The following TEKT1 variants were observed in gnomAD, a reference collection of about 807,000 sequenced individuals.
TEKT1 encodes tektin-1.
Under a neutral mutation model 34.8 loss-of-function variants are expected in TEKT1, and 32 were observed. That is an observed-to-expected ratio of 0.92 (90% confidence interval 0.69 to 1.23). The LOEUF (loss-of-function observed/expected upper bound fraction) is 1.23. Among genes scored for constraint, TEKT1 ranks in the 50% most tolerant of loss-of-function variants. The pLI, the probability that TEKT1 is intolerant of heterozygous loss-of-function variation, is 0.00. For missense variants in TEKT1, 492 were observed against 518.5 expected (o/e 0.95, Z 0.50); for synonymous variants, 207 against 199.8 (o/e 1.04, Z -0.30).
chr17:6,813,472 T>G (rs1234793687), intron 5 of TEKT1, among the ~76,000 whole-genome samples: 1 of 151,634 alleles, frequency 6.6e-6, no homozygotes, highest in African/African-American at 2.4e-5. Flanking sequence ...AAAAAGTGAA[T>G]AAATTACTCG....
intron 2 of TEKT1, among the ~76,000 whole-genome samples, chr17:6,821,794 T>C (rs1343330342): frequency 3.3e-5 from 5 of 152,188 alleles, no homozygotes; most frequent in African/African-American, 7.2e-5. Flanking sequence ...AAGGAACTTA[T>C]TGGGAACTGA....
chr17:6,816,511 G>A (rs761633175), intron 3 of TEKT1, among the ~76,000 whole-genome samples: 10 of 152,068 alleles, frequency 6.6e-5, no homozygotes, highest in Admixed American at 1.3e-4. Flanking sequence ...GATAGTTTGC[G>A]CAGAATGATG....
chr17:6,821,026 C>T (rs1977081189), intron 2 of TEKT1, among the ~76,000 whole-genome samples: 2 of 152,120 alleles, frequency 1.3e-5, no homozygotes, highest in Non-Finnish European at 2.9e-5. Flanking sequence ...TCCAGAGTTT[C>T]TGTTGAAAAG....
In TEKT1 at chr17:6,799,554, A is replaced by G. The variant is rs570903464; in HGVS notation, c.*473T>C. 4.5e-5 allele frequency: 7 copies of G among 154,312 alleles called. No individual in the cohort carries two copies. The highest frequency in any genetic ancestry group is 1.7e-4 in the African/African-American group (7 of 41,526). The allele number at this position is 154,312 out of a possible 1,614,324, so 9.6% of individuals were successfully genotyped here. On this transcript the variant is annotated 3_prime_UTR_variant, in exon 8 of 8. Transcript: ENST00000338694. ...CCTACAGTCTTAACCATTGACTTGA[A>G]CCCATTGACTTGAATGAATGGAATT...
intron 3 of TEKT1, among the ~76,000 whole-genome samples, chr17:6,817,336 T>C (rs34038777): frequency 0.087 from 13,112 of 150,478 alleles, 594 homozygotes; most frequent in African/African-American, 0.12. Flanking sequence ...GATTGCACCA[T>C]TCCACTCCAG....
In TEKT1 at chr17:6,798,609, G is replaced by A. The variant is rs2151579713; in HGVS notation, c.*1418C>T. ...TTCAGCACTGGGGTGGCATAGATCAGAATTAACAGAATTAAGCCAGTGCTT... is the reference window on the plus strand; with the variant it reads ...TTCAGCACTGGGGTGGCATAGATCAAAATTAACAGAATTAAGCCAGTGCTT... On this transcript the variant is annotated 3_prime_UTR_variant, in exon 8 of 8. Coordinates refer to ENST00000338694, the MANE Select transcript of TEKT1 (RefSeq NM_053285.2). 1 of 152,358 alleles carries A rather than the reference G, an allele frequency of 6.6e-6. No homozygotes were observed. The highest frequency in any genetic ancestry group is 3.4e-3 in the Middle Eastern group (1 of 294). The allele number at this position is 152,358 out of a possible 1,614,324, so 9.4% of individuals were successfully genotyped here. A position where few individuals can be genotyped will look rare whatever the true frequency, so the allele number is the denominator to read the frequency against.
In TEKT1 at chr17:6,798,885, A is replaced by C. The variant is rs1458940179; in HGVS notation, c.*1142T>G. Reference sequence around the variant, plus strand: ...CAGGTGGTCCTAAAGAAGGAGAGAAACTTTCCTGGCAGTGTTGCAACTAGA... The same window carrying C: ...CAGGTGGTCCTAAAGAAGGAGAGAACCTTTCCTGGCAGTGTTGCAACTAGA... On this transcript the variant is annotated 3_prime_UTR_variant, in exon 8 of 8. Transcript: ENST00000338694. The C allele has an allele frequency of 6.6e-6, 1 of 152,180 alleles. No homozygotes were observed. The highest frequency in any genetic ancestry group is 1.5e-5 in the Non-Finnish European group (1 of 68,062). 9.4% of individuals were successfully genotyped at this position (152,180 alleles called of 1,614,324 possible). A position where few individuals can be genotyped will look rare whatever the true frequency, so the allele number is the denominator to read the frequency against.
Position 6,813,036 on chromosome 17 carries a change from T to G in TEKT1, c.647A>C (p.Asp216Ala). 6.2e-7 allele frequency: 1 copy of G among 1,613,730 alleles called. No homozygotes were observed. The highest frequency in any genetic ancestry group is 8.5e-7 in the Non-Finnish European group (1 of 1,179,820). Residue 216 changes from aspartate (D) to alanine (A), a missense_variant, in exon 6 of 8, where the codon GAC (aspartate) becomes GCC (alanine). Physicochemically the swap from Asp to Ala is moderately radical, Grantham distance 126 (BLOSUM62 -2). Transcript: ENST00000338694. ...RIEPNSVSLE[D>A]WLDFSSTNVE... is the part of the protein sequence containing the mutation. ...ATTGGTGCTGGAGAAGTCCAACCAG[T>G]CTTCCAGACTCACGGAGCTGAAACA...
intron 2 of TEKT1, among the ~76,000 whole-genome samples, chr17:6,823,686 C>T (rs935328610): frequency 6.6e-6 from 1 of 152,094 alleles, no homozygotes; most frequent in Non-Finnish European, 1.5e-5. Flanking sequence ...CTGGACATCT[C>T]TTATCTCAAA....
intron 1 of TEKT1, among the ~76,000 whole-genome samples, chr17:6,830,892 A>G (rs1241673477): frequency 2.0e-5 from 3 of 152,140 alleles, no homozygotes; most frequent in Non-Finnish European, 4.4e-5. Context: ...AGTCTCATAC[A>G]TGTCTTTTGG....
chr17:6,819,450 T>C, intron 2 of TEKT1, 92 bp from the exon 3 acceptor site: 1 of 1,316,052 alleles, frequency 7.6e-7, no homozygotes. Flanking sequence ...TAAAACCACC[T>C]GTGACATGCT....
At position 6,815,280 on chromosome 17, in the gene TEKT1, A is replaced by C; in HGVS notation, c.512T>G (p.Leu171Arg). 1 of 1,614,204 alleles carries C rather than the reference A, an allele frequency of 6.2e-7. No individual in the cohort carries two copies. Among genetic ancestry groups the C allele is most frequent in the Non-Finnish European group, 8.5e-7 (1 of 1,180,042 alleles). The change falls in exon 5 of 8, where the codon CTT becomes CGT. Residue 171 changes from leucine to arginine, a missense_variant. Leu to Arg is a moderately radical substitution (Grantham distance 102, BLOSUM62 -2). Coordinates refer to ENST00000338694, the MANE Select transcript of TEKT1 (RefSeq NM_053285.2). ...AAACTTGTCCTTCAAATCCTTCTCA[A>C]GATTGTACTTGGCAGAGCGGTTCAT... ...IRMNRSAKYNLEKDLKDKFVA... is the reference protein window; with the variant it reads ...IRMNRSAKYNREKDLKDKFVA...
intron 6 of TEKT1, among the ~76,000 whole-genome samples, chr17:6,803,664 AG>A (rs1976807441): frequency 1.3e-5 from 2 of 152,206 alleles, no homozygotes; most frequent in South Asian, 4.1e-4. Context: ...ATCCAGTTTC[AG>A]CTTTCTACAT....
intron 6 of TEKT1, among the ~76,000 whole-genome samples, chr17:6,802,317 C>T (rs986141000): frequency 3.3e-5 from 5 of 152,118 alleles, no homozygotes; most frequent in Admixed American, 6.5e-5. Flanking sequence ...CTTTAAGCTG[C>T]TTTCGACTAA....
chr17:6,810,874 G>C (rs1229694625), intron 6 of TEKT1, among the ~76,000 whole-genome samples: 1 of 152,132 alleles, frequency 6.6e-6, no homozygotes, highest in Non-Finnish European at 1.5e-5. Context: ...GAGTAGCTGT[G>C]ATTACAGGCG....
At chr17:6,809,755 T>C (rs1976901195) in intron 6 of TEKT1, among the ~76,000 whole-genome samples, 1 of 152,234 alleles carries the variant, frequency 6.6e-6, no homozygotes, top group Non-Finnish European at 1.5e-5. Context: ...TCATACAGTA[T>C]GAGTTTCAAA....
intron 6 of TEKT1, 56 bp from the exon 7 acceptor site, chr17:6,800,999 G>A (rs780756736): frequency 1.2e-5 from 18 of 1,497,218 alleles, no homozygotes; most frequent in Non-Finnish European, 1.6e-5. Flanking sequence ...AAACTCAACA[G>A]CTGACAGCAG....
At chr17:6,829,195 G>T (rs1904493801) in intron 2 of TEKT1, among the ~76,000 whole-genome samples, 1 of 152,160 alleles carries the variant, frequency 6.6e-6, no homozygotes, top group Admixed American at 6.5e-5. Context: ...ATTGTCAAGA[G>T]AAAATGACTC....
chr17:6,820,668 A>G (rs772655374), intron 2 of TEKT1, among the ~76,000 whole-genome samples: 12 of 152,088 alleles, frequency 7.9e-5, no homozygotes, highest in Non-Finnish European at 1.5e-4. Flanking sequence ...TCTCTCCTAG[A>G]GCATCTTCTC....
Sources: allele counts gnomAD v4.1 joint callset (sites outside exome capture counted in the v4.1 genomes callset), GRCh38; gene constraint gnomAD v4.1.1; transcripts MANE v1.5; gene names NCBI Gene and HGNC (gene_info 2026-07-23, HGNC 2026-07-21).